Variants in CDKL2 observed in about 807,000 individuals in gnomAD.
CDKL2 encodes the protein cyclin-dependent kinase-like 2.
CDKL2 carries 64 observed loss-of-function variants against 63.9 expected under a neutral mutation model. The observed-to-expected ratio is 1.00, with a 90% CI of 0.82 to 1.23. The LOEUF (loss-of-function observed/expected upper bound fraction) is 1.23. Among genes scored for constraint, CDKL2 ranks in the 50% most tolerant of loss-of-function variants. The pLI is 0.00. For synonymous variants in CDKL2, 211 were observed against 229.2 expected, an observed-to-expected ratio of 0.92 and a Z score of 0.72; for missense variants, 656 against 668.0, an observed-to-expected ratio of 0.98 and a Z score of 0.20.
rs1158297639 is a variant in CDKL2, at chr4:75,607,280, G to A, written c.445C>T (p.Arg149Ter). ...ACCTCCCCAGGAGCTGCCAATGTTC[G>A]CGCAAATCCAAAATCGCATAGCTTG... is the stretch of plus-strand genomic sequence containing the variant. ...VVKLCDFGFA[R>*]TLAAPGEVYT... Residue 149 changes from arginine (R) to a stop codon, truncating the protein, a stop_gained, in exon 4 of 14, where the codon CGA becomes TGA. Transcript: ENST00000307465. LOFTEE classifies it high-confidence loss of function. The A allele has an allele frequency of 9.3e-6, 15 of 1,613,814 alleles. No homozygotes were observed. The highest frequency in any genetic ancestry group is 2.7e-5 in the African/African-American group (2 of 74,906).
At chr4:75,595,875 G>A (rs962818120) in intron 10 of CDKL2, among the ~76,000 whole-genome samples, 1 of 151,256 alleles carries the variant, frequency 6.6e-6, no homozygotes, top group African/African-American at 2.4e-5. Context: ...GTTACAGTGA[G>A]CCAAGATCTC....
rs772807328 is a variant in CDKL2, at chr4:75,596,965, C to T, written c.1292G>A (p.Gly431Glu). The change falls in exon 9 of 14, where the codon GGG (glycine) becomes GAG (glutamate). Residue 431 changes from glycine to glutamate, a missense_variant. Transcript: ENST00000307465. Reference protein sequence around the residue: ...AVAPSINSGMGTETIPIQGYR... With the variant: ...AVAPSINSGMETETIPIQGYR... ...ACCCTGAATTGGTATAGTCTCAGTC[C>T]CCATTCCAGAATTAATGCTGGGAGC... 2 of 1,613,956 alleles carry T rather than the reference C, an allele frequency of 1.2e-6. No homozygotes were observed. The highest frequency in any genetic ancestry group is 1.3e-5 in the African/African-American group (1 of 75,018).
At chr4:75,590,749 A>G (rs1308854052) in intron 12 of CDKL2, among the ~76,000 whole-genome samples, 3 of 152,168 alleles carry the variant, frequency 2.0e-5, no homozygotes, top group Non-Finnish European at 2.9e-5. Context: ...TAACAGTGGA[A>G]AAAGCATCAC....
At chr4:75,596,887 C>A (rs560591313) in intron 9 of CDKL2, 48 bp downstream of exon 9, 2 of 1,494,184 alleles carry the variant, frequency 1.3e-6, no homozygotes, top group Non-Finnish European at 1.8e-6. Flanking sequence ...TTGCAATTTG[C>A]AAATATGTCC....
In CDKL2 at chr4:75,625,911, AG is replaced by A; in HGVS notation, c.77del (p.Thr26MetfsTer7). ...GMVMKCRNKD[T>X]GRIVAIKKFL... Reference sequence around the variant, plus strand: ...ACTTCTTTATGGCCACAATTCTTCCAGTATCTTTATTCCTACACTTCATCAC... The same window carrying A: ...ACTTCTTTATGGCCACAATTCTTCCATATCTTTATTCCTACACTTCATCAC... On this transcript the variant is annotated frameshift_variant, in exon 2 of 14. Transcript: ENST00000307465. LOFTEE classifies it high-confidence loss of function. 1 of 1,612,924 alleles carries A rather than the reference AG, an allele frequency of 6.2e-7. No homozygotes were observed. Among genetic ancestry groups the A allele is most frequent in the African/African-American group, 1.3e-5 (1 of 75,016 alleles).
At chr4:75,580,952 A>G (rs1041624044) in intron 13 of CDKL2, among the ~76,000 whole-genome samples, 29 of 152,142 alleles carry the variant, frequency 1.9e-4, no homozygotes, top group Admixed American at 6.5e-4. Context: ...CGCCCGCCTC[A>G]GCCTCCCAAA....
intron 1 of CDKL2, among the ~76,000 whole-genome samples, chr4:75,629,420 A>G (rs1553985): frequency 0.4 from 60,403 of 152,044 alleles, 12,724 homozygotes; most frequent in African/African-American, 0.5. Context: ...TTTTCAAGTG[A>G]CACTGTCCAC....
chr4:75,628,856 T>C (rs1381989214), intron 1 of CDKL2, among the ~76,000 whole-genome samples: 2 of 152,134 alleles, frequency 1.3e-5, no homozygotes, highest in African/African-American at 4.8e-5. Context: ...TATATATATT[T>C]TTAATGTAGC....
rs1321834751 is a variant in CDKL2 at position 75,578,690 on chromosome 4, C to T, written c.*512G>A. On this transcript the variant is annotated 3_prime_UTR_variant, in exon 14 of 14. Coordinates refer to ENST00000307465, the MANE Select transcript of CDKL2 (RefSeq NM_001330724.2). ...AAGCAAACAGTTTCTCTTACTGATC[C>T]TAGTTTCTTCAATTTTCTTCAACTG... The T allele has an allele frequency of 6.6e-6, 1 of 152,472 alleles. No individual in the cohort carries two copies. Among genetic ancestry groups the T allele is most frequent in the Non-Finnish European group, 1.5e-5 (1 of 68,004 alleles). 9.4% of individuals were successfully genotyped at this position (152,472 alleles called of 1,614,324 possible). A position where few individuals can be genotyped will look rare whatever the true frequency, so the allele number is the denominator to read the frequency against.
At position 75,598,581 on chromosome 4, in the gene CDKL2, CT is replaced by C. The variant is rs546188489; in HGVS notation, c.885-370del. On this transcript the variant is annotated intron_variant, in intron 7 of 13. Coordinates refer to ENST00000307465, the MANE Select transcript of CDKL2 (RefSeq NM_001330724.2). ...CTTGATAACCACACATTCTCAGTTG[CT>C]TTTTTTTTTTAAAAAAAAAAAAGGC... Among the ~76,000 whole-genome samples the C allele has an allele frequency of 8.8e-3, 1,035 of 117,492 alleles. 14 individuals carry two copies. Among genetic ancestry groups the C allele is most frequent in the African/African-American group, 0.031 (917 of 29,216 alleles). 77.1% of individuals were successfully genotyped at this position (117,492 alleles called of 152,430 possible). A position where few individuals can be genotyped will look rare whatever the true frequency, so the allele number is the denominator to read the frequency against.
At chr4:75,590,316 A>C (rs1270726640) in intron 12 of CDKL2, among the ~76,000 whole-genome samples, 1 of 152,254 alleles carries the variant, frequency 6.6e-6, no homozygotes, top group Non-Finnish European at 1.5e-5. Flanking sequence ...GCAAGAGATA[A>C]GGCAAAGCAA....
At position 75,625,844 on chromosome 4, in the gene CDKL2, T is replaced by C. The variant is rs769378141; in HGVS notation, c.145A>G (p.Met49Val). The C allele has an allele frequency of 3.1e-6, 5 of 1,612,064 alleles. No individual in the cohort carries two copies. The highest frequency in any genetic ancestry group is 2.7e-5 in the African/African-American group (2 of 74,890). The change falls in exon 2 of 14, where the codon ATG (methionine) becomes GTG (valine). Residue 49 changes from methionine (M) to valine (V), a missense_variant. Transcript: ENST00000307465. ...ACCTTTAGTAACTTGATTTCTCGCA[T>C]TGCAATCTTTTTAACCATTTTGTCA... ...DDDKMVKKIAMREIKLLKQLR... is the reference protein window; with the variant it reads ...DDDKMVKKIAVREIKLLKQLR...
At chr4:75,598,052 T>TA in intron 8 of CDKL2, 25 bp downstream of exon 8, 1 of 1,416,790 alleles carries the variant, frequency 7.1e-7, no homozygotes, top group South Asian at 1.4e-5. Flanking sequence ...ATATTAAATC[T>TA]AAAATGTGAA....
intron 2 of CDKL2, among the ~76,000 whole-genome samples, chr4:75,618,593 T>A (rs191522872): frequency 6.6e-6 from 1 of 152,164 alleles, no homozygotes; most frequent in East Asian, 1.9e-4. Context: ...TTTCAAAAAA[T>A]CTTCTTAAAC....
intron 10 of CDKL2, among the ~76,000 whole-genome samples, chr4:75,594,121 T>C (rs2148871389): frequency 6.6e-6 from 1 of 152,308 alleles, no homozygotes; most frequent in East Asian, 1.9e-4. Flanking sequence ...ATTTTCACTC[T>C]TTGAATATAT....
At chr4:75,587,636 G>A (rs1047310553) in intron 12 of CDKL2, among the ~76,000 whole-genome samples, 7 of 152,106 alleles carry the variant, frequency 4.6e-5, no homozygotes, top group Admixed American at 6.6e-5. Context: ...GAGGCCGGGC[G>A]CAGTGGTTCA....
intron 12 of CDKL2, among the ~76,000 whole-genome samples, chr4:75,588,874 AAAGGAATTCCTCAAAGGAATT>A (rs1728585926): frequency 6.9e-4 from 1 of 1,458 alleles, no homozygotes; most frequent in East Asian, 0.02. Context: ...GGAATTCCTC[AAAGGAATTCCTCAAAGGAATT>A]CCTCAAAGAA....
chr4:75,590,916 A>G (rs969474756), intron 12 of CDKL2, among the ~76,000 whole-genome samples: 1 of 152,208 alleles, frequency 6.6e-6, no homozygotes, highest in Non-Finnish European at 1.5e-5. Flanking sequence ...TCCATAGCCA[A>G]AGTTTGTAGC....
chr4:75,596,030 AAGAAAGGAAGGAAGG>A (rs1339402716), intron 10 of CDKL2: 6 of 50,300 alleles, frequency 1.2e-4, no homozygotes, highest in Non-Finnish European at 1.8e-4. Context: ...GGAAGGAAGG[AAGAAAGGAAGGAAGG>A]AGTTTTTAGA....
Sources: allele counts gnomAD v4.1 joint callset (sites outside exome capture counted in the v4.1 genomes callset), GRCh38; gene constraint gnomAD v4.1.1; transcripts MANE v1.5; gene names NCBI Gene and HGNC (gene_info 2026-07-23, HGNC 2026-07-21).